CHD9: variants seen among roughly 807,000 people sequenced by gnomAD.
CHD9 encodes ATP-dependent chromatin remodeler CHD9.
A neutral mutation model predicts 316.1 loss-of-function variants in CHD9; 77 were observed. The ratio of observed to expected loss-of-function variants is 0.24; its 90% CI spans 0.20 to 0.29. The LOEUF is 0.29. Ranked by LOEUF, CHD9 falls within the 10% of genes least tolerant of loss-of-function variation. The probability of loss-of-function intolerance (pLI) is 1.00; values close to 1 mark genes in which losing one functional copy is unlikely to be tolerated. For synonymous variants in CHD9, 1,129 were observed against 1,158.3 expected, an observed-to-expected ratio of 0.97 and a Z score of 0.51; for missense variants, 2,763 against 3,438.1, an observed-to-expected ratio of 0.80 and a Z score of 4.91.
chr16:53,269,700 C>T (rs2052045982), intron 22 of CHD9, among the ~76,000 whole-genome samples: 1 of 152,132 alleles, frequency 6.6e-6, no homozygotes, highest in Non-Finnish European at 1.5e-5. Flanking sequence ...ACAAATTCTA[C>T]AGAACAAAAG....
At chr16:53,315,121 T>G (rs2056782093) in intron 36 of CHD9, 77 bp downstream of exon 36, 3 of 1,044,718 alleles carry the variant, frequency 2.9e-6, no homozygotes, top group Admixed American at 4.7e-5. Flanking sequence ...GCATAAATTC[T>G]CATCCACTTA....
intron 1 of CHD9, among the ~76,000 whole-genome samples, chr16:53,069,924 T>C (rs2033860283): frequency 5.1e-5 from 1 of 19,646 alleles, no homozygotes; most frequent in Non-Finnish European, 1.3e-4. Context: ...TTGTGTGTGG[T>C]TTTTTTTGAT....
At chr16:53,200,079 TACAAAAACA>T (rs2045313239) in intron 2 of CHD9, among the ~76,000 whole-genome samples, 1 of 150,022 alleles carries the variant, frequency 6.7e-6, no homozygotes, top group Non-Finnish European at 1.5e-5. Context: ...CTACTAAAAA[TACAAAAACA>T]TGAGGCTGGG....
intron 1 of CHD9, among the ~76,000 whole-genome samples, chr16:53,063,721 T>C (rs42312): frequency 2.0e-5 from 3 of 151,590 alleles, no homozygotes; most frequent in Non-Finnish European, 2.9e-5. Flanking sequence ...TTAGTAGAGA[T>C]GGGGTTTCAC....
At position 53,156,727 on chromosome 16, in the gene CHD9, C is replaced by T. The variant is rs138285755; in HGVS notation, c.638C>T (p.Pro213Leu). ...SGPHRVNVNH[P>L]PQMTNASNSQ... ...CCACATAGAGTCAATGTTAACCACC[C>T]ACCACAGATGACTAATGCATCTAAT... Residue 213 changes from proline to leucine, a missense_variant, in exon 2 of 39, where the codon CCA becomes CTA. Physicochemically the swap from Pro to Leu is moderately conservative, Grantham distance 98 (BLOSUM62 -3). Coordinates refer to ENST00000447540, the MANE Select transcript of CHD9 (RefSeq NM_001308319.2). The T allele has an allele frequency of 6.2e-7, 1 of 1,613,824 alleles. No homozygotes were observed. Among genetic ancestry groups the T allele is most frequent in the African/African-American group, 1.3e-5 (1 of 75,038 alleles).
chr16:53,204,997 A>C (rs1429896007), intron 2 of CHD9, among the ~76,000 whole-genome samples: 1 of 151,956 alleles, frequency 6.6e-6, no homozygotes, highest in Non-Finnish European at 1.5e-5. Flanking sequence ...GTGCGCCACC[A>C]TGCCCAGCTA....
At chr16:53,289,721 G>T (rs1302594811) in intron 27 of CHD9, among the ~76,000 whole-genome samples, 1 of 152,102 alleles carries the variant, frequency 6.6e-6, no homozygotes, top group African/African-American at 2.4e-5. Context: ...CACTCCTAGG[G>T]CTCAGATAAA....
At chr16:53,190,832 T>C (rs1238553326) in intron 2 of CHD9, among the ~76,000 whole-genome samples, 1 of 152,112 alleles carries the variant, frequency 6.6e-6, no homozygotes, top group African/African-American at 2.4e-5. Flanking sequence ...TTTTACTTTG[T>C]AGTCAAATAA....
chr16:53,110,860 A>C (rs2037811628), intron 1 of CHD9, among the ~76,000 whole-genome samples: 1 of 152,212 alleles, frequency 6.6e-6, no homozygotes, highest in Non-Finnish European at 1.5e-5. Flanking sequence ...GGTGTGGGCC[A>C]GTGTGTGATC....
Position 53,324,468 on chromosome 16 carries a change from G to C in CHD9, c.8267G>C (p.Arg2756Thr). Residue 2756 changes from arginine (R) to threonine (T), a missense_variant, in exon 39 of 39, where the codon AGG (arginine) becomes ACG (threonine). This residue lies in a region of CHD9 where 298 missense variants were observed against 380.2 expected (regional missense o/e 0.78). Coordinates refer to ENST00000447540, the MANE Select transcript of CHD9 (RefSeq NM_001308319.2). The part of the protein sequence containing the change: ...DSKESEGKTE[R>T]TESQSSENGG... ...AAGGAGTCAGAAGGAAAAACAGAAA[G>C]GACAGAGAGCCAAAGTTCAGAGAAT... 6.2e-7 allele frequency: 1 copy of C among 1,613,976 alleles called. No individual in the cohort carries two copies. Among genetic ancestry groups the C allele is most frequent in the Non-Finnish European group, 8.5e-7 (1 of 1,179,882 alleles).
chr16:53,093,389 G>A (rs995775918), intron 1 of CHD9, among the ~76,000 whole-genome samples: 6 of 152,202 alleles, frequency 3.9e-5, no homozygotes, highest in African/African-American at 1.2e-4. Context: ...AGCACTATGC[G>A]TGGCACATAG....
At chr16:53,132,877 C>T (rs537003155) in intron 1 of CHD9, among the ~76,000 whole-genome samples, 9 of 141,130 alleles carry the variant, frequency 6.4e-5, no homozygotes, top group Admixed American at 1.5e-4. Context: ...GACGCCATCT[C>T]GGCTCACTGC....
chr16:53,290,503 A>G (rs1249894691), intron 27 of CHD9, among the ~76,000 whole-genome samples: 3 of 151,066 alleles, frequency 2.0e-5, no homozygotes, highest in Non-Finnish European at 4.4e-5. Context: ...AAAAAGTATG[A>G]GAGGAGCTGG....
At chr16:53,207,397 A>G (rs1043541831) in intron 2 of CHD9, among the ~76,000 whole-genome samples, 8 of 152,214 alleles carry the variant, frequency 5.3e-5, no homozygotes, top group Non-Finnish European at 7.3e-5. Context: ...ATGTTACGAA[A>G]AAAATGTATT....
chr16:53,267,856 TTTATC>T lies in CHD9; in HGVS notation c.4518-69_4518-65del. ...CAATTTTTTAAAGTTTTTCATTCCT[TTTATC>T]TATGAGTTAATATTTTTCTCTAGAA... is the stretch of plus-strand genomic sequence containing the variant. On this transcript the variant is annotated intron_variant, in intron 21 of 38. Coordinates refer to ENST00000447540, the MANE Select transcript of CHD9 (RefSeq NM_001308319.2). 3 of 1,366,542 alleles carry T rather than the reference TTTATC, an allele frequency of 2.2e-6. No homozygotes were observed. The South Asian group carries it at 3.8e-5, about 17-fold the overall frequency. The allele number at this position is 1,366,542 out of a possible 1,614,324, so 84.7% of individuals were successfully genotyped here. A position where few individuals can be genotyped will look rare whatever the true frequency, so the allele number is the denominator to read the frequency against.
rs202036393 is a variant in CHD9, at chr16:53,170,057, TTG to T, written c.1452+12518_1452+12519del. Among the ~76,000 whole-genome samples, 147 of 149,524 alleles carry T rather than the reference TTG, an allele frequency of 9.8e-4. 1 individual carries two copies. Among genetic ancestry groups the T allele is most frequent in the Non-Finnish European group, 1.7e-3 (112 of 67,600 alleles). ...TTAAGCAGTTTTTTTTTGTTTTTTT[TTG>T]TTTGTTTTTTTTTGGTGAGAATGCT... On this transcript the variant is annotated intron_variant, in intron 2 of 38. Transcript: ENST00000447540.
chr16:53,311,814 C>T (rs2056500284), intron 34 of CHD9: 1 of 152,078 alleles, frequency 6.6e-6, no homozygotes, highest in South Asian at 2.1e-4. Context: ...TTAATGTTCC[C>T]ATCTTATTTA....
intron 19 of CHD9, among the ~76,000 whole-genome samples, chr16:53,262,226 A>G (rs2051208351): frequency 6.6e-6 from 1 of 152,178 alleles, no homozygotes; most frequent in African/African-American, 2.4e-5. Context: ...CATTTTTATA[A>G]AGCATTTTGA....
chr16:53,166,252 CAG>C (rs1276254694), intron 2 of CHD9, among the ~76,000 whole-genome samples: 1 of 152,112 alleles, frequency 6.6e-6, no homozygotes, highest in Non-Finnish European at 1.5e-5. Context: ...TGTCAGGAAT[CAG>C]AGTAACAGAC....
Sources: gnomAD v4.1 joint callset for allele counts (sites outside exome capture counted in the v4.1 genomes callset) on GRCh38, gnomAD v4.1.1 for gene constraint, gnomAD v4.1.1 regional missense constraint, MANE v1.5 for transcripts, NCBI Gene and HGNC (gene_info 2026-07-23, HGNC 2026-07-21) for gene names.